The following CACNA2D1 variants were observed in gnomAD, a reference collection of about 807,000 sequenced individuals.
CACNA2D1 encodes the protein calcium voltage-gated channel auxiliary subunit alpha2delta 1.
A neutral mutation model predicts 171.5 loss-of-function variants in CACNA2D1; 53 were observed. The observed-to-expected ratio is 0.31, with a 90% confidence interval of 0.25 to 0.39. The LOEUF is 0.39. Among genes scored for constraint, CACNA2D1 ranks in the 10% least tolerant of loss-of-function variants. The probability of loss-of-function intolerance (pLI) is 1.00; values close to 1 mark genes in which losing one functional copy is unlikely to be tolerated. For missense variants in CACNA2D1, 903 were observed against 1,299.8 expected, an observed-to-expected ratio of 0.69 and a Z score of 4.69; for synonymous variants, 442 against 443.1, an observed-to-expected ratio of 1.00 and a Z score of 0.03.
intron 1 of CACNA2D1, among the ~76,000 whole-genome samples, chr7:82,358,982 A>G (rs987848120): frequency 2.6e-5 from 4 of 152,102 alleles, no homozygotes; most frequent in African/African-American, 9.7e-5. Flanking sequence ...ACATAGTTCC[A>G]TGGATTAGCT....
At chr7:82,044,884 C>CTGAT (rs1402067369) in intron 10 of CACNA2D1, among the ~76,000 whole-genome samples, 3 of 152,114 alleles carry the variant, frequency 2.0e-5, no homozygotes, top group African/African-American at 7.2e-5. Context: ...GATAAAATAG[C>CTGAT]TGATAACATT....
At chr7:82,423,208 T>C (rs1029737270) in intron 1 of CACNA2D1, among the ~76,000 whole-genome samples, 1 of 152,090 alleles carries the variant, frequency 6.6e-6, no homozygotes, top group Admixed American at 6.6e-5. Flanking sequence ...TAAACAGATA[T>C]ATATATATAC....
intron 30 of CACNA2D1, 31 bp from the exon 31 acceptor site, chr7:81,967,238 C>T: frequency 1.3e-6 from 2 of 1,579,966 alleles, no homozygotes; most frequent in Non-Finnish European, 1.7e-6. Context: ...TATCACCTCA[C>T]TTTTAAAAGT....
intron 3 of CACNA2D1, among the ~76,000 whole-genome samples, chr7:82,194,934 C>T (rs1798701018): frequency 1.3e-5 from 2 of 151,876 alleles, no homozygotes; most frequent in Non-Finnish European, 2.9e-5. Flanking sequence ...ACTGAGATTC[C>T]AAGTAGTCAT....
intron 25 of CACNA2D1, among the ~76,000 whole-genome samples, chr7:81,972,345 C>T (rs1213254474): frequency 6.6e-6 from 1 of 151,738 alleles, no homozygotes; most frequent in African/African-American, 2.4e-5. Flanking sequence ...CTTTCACTTT[C>T]ATTTGTTATA....
At chr7:82,316,121 A>G (rs994981774) in intron 3 of CACNA2D1, among the ~76,000 whole-genome samples, 1 of 152,160 alleles carries the variant, frequency 6.6e-6, no homozygotes, top group Non-Finnish European at 1.5e-5. Context: ...TAAATTTTAA[A>G]TACAATCACT....
At chr7:82,020,592 T>G (rs912687373) in intron 12 of CACNA2D1, among the ~76,000 whole-genome samples, 1 of 152,098 alleles carries the variant, frequency 6.6e-6, no homozygotes, top group Admixed American at 6.6e-5. Flanking sequence ...CTATTAGTAT[T>G]AAATGATGTA....
intron 21 of CACNA2D1, among the ~76,000 whole-genome samples, chr7:81,988,033 C>T (rs1797152221): frequency 6.6e-6 from 1 of 152,068 alleles, no homozygotes; most frequent in Admixed American, 6.6e-5. Flanking sequence ...AGCATAGAGG[C>T]CATTTGTGAG....
At chr7:82,284,353 A>G (rs1810496459) in intron 3 of CACNA2D1, among the ~76,000 whole-genome samples, 1 of 152,234 alleles carries the variant, frequency 6.6e-6, no homozygotes, top group Non-Finnish European at 1.5e-5. Context: ...AAACTGGCTT[A>G]GAGGTTTAAC....
chr7:81,949,062 T>C lies in CACNA2D1; in HGVS notation c.*1330A>G, dbSNP rs948182474. The C allele has an allele frequency of 9.9e-5, 15 of 152,114 alleles. No homozygotes were observed. The highest frequency in any genetic ancestry group is 3.6e-4 in the African/African-American group (15 of 41,564). 9.4% of individuals were successfully genotyped at this position (152,114 alleles called of 1,614,324 possible). The stretch of plus-strand genomic sequence containing the variant: ...CATGGAAATTTTGGCCAAACGATCA[T>C]ACCATTTAAAATGGAAGGGCAAAAG... On this transcript the variant is annotated 3_prime_UTR_variant, in exon 39 of 39. Transcript: ENST00000356860.
At chr7:82,114,580 T>C (rs938932659) in intron 6 of CACNA2D1, among the ~76,000 whole-genome samples, 1 of 151,518 alleles carries the variant, frequency 6.6e-6, no homozygotes, top group Non-Finnish European at 1.5e-5. Flanking sequence ...CTGTCTCTAC[T>C]AAATACAAAA....
At chr7:82,002,059 A>G (rs2086040077) in intron 18 of CACNA2D1, among the ~76,000 whole-genome samples, 1 of 146,596 alleles carries the variant, frequency 6.8e-6, no homozygotes, top group Non-Finnish European at 1.5e-5. Context: ...AGAGAGAGAG[A>G]GAAATAACAA....
At chr7:82,044,346 G>GA (rs1486218154) in intron 10 of CACNA2D1, among the ~76,000 whole-genome samples, 1 of 152,064 alleles carries the variant, frequency 6.6e-6, no homozygotes, top group Non-Finnish European at 1.5e-5. Flanking sequence ...TATAGTTTCT[G>GA]AAAAAATTGT....
At chr7:82,348,243 T>C (rs1353412799) in intron 2 of CACNA2D1, among the ~76,000 whole-genome samples, 2 of 152,188 alleles carry the variant, frequency 1.3e-5, no homozygotes, top group Non-Finnish European at 2.9e-5. Flanking sequence ...ATAAACTCCA[T>C]GACTTTCATA....
At chr7:82,351,745 C>T (rs777195672) in intron 1 of CACNA2D1, among the ~76,000 whole-genome samples, 2 of 151,998 alleles carry the variant, frequency 1.3e-5, no homozygotes, top group Non-Finnish European at 2.9e-5. Context: ...AGTTGTGCCC[C>T]ATTTTTATAT....
chr7:82,099,695 C>G (rs1342514613), intron 6 of CACNA2D1, among the ~76,000 whole-genome samples: 1 of 57,792 alleles, frequency 1.7e-5, no homozygotes, highest in Non-Finnish European at 4.3e-5. Flanking sequence ...GTGATCCGCC[C>G]GCCTCGGCCT....
chr7:82,112,031 A>G (rs888381625), intron 6 of CACNA2D1, among the ~76,000 whole-genome samples: 2 of 152,142 alleles, frequency 1.3e-5, no homozygotes, highest in South Asian at 2.1e-4. Flanking sequence ...AAAGAAGATA[A>G]TATTTCAGAA....
At chr7:82,165,638 C>T (rs528345508) in intron 4 of CACNA2D1, among the ~76,000 whole-genome samples, 2 of 152,050 alleles carry the variant, frequency 1.3e-5, no homozygotes, top group East Asian at 3.9e-4. Context: ...CGCCTGACTC[C>T]TTTACATTAC....
intron 3 of CACNA2D1, among the ~76,000 whole-genome samples, chr7:82,292,418 T>C (rs1027230627): frequency 6.6e-6 from 1 of 152,198 alleles, no homozygotes; most frequent in Non-Finnish European, 1.5e-5. Flanking sequence ...GTATTCCTTT[T>C]ACTGTTTGTT....
Sources: gnomAD v4.1 joint callset for allele counts (sites outside exome capture counted in the v4.1 genomes callset) on GRCh38, gnomAD v4.1.1 for gene constraint, MANE v1.5 for transcripts, NCBI Gene and HGNC (gene_info 2026-07-23, HGNC 2026-07-21) for gene names.